The following SNAP91 variants were observed in gnomAD, a reference collection of about 807,000 sequenced individuals.
The protein encoded by SNAP91 is clathrin coat assembly protein AP180.
In SNAP91, 27 loss-of-function variants were observed where a neutral mutation model predicts 100.3. The ratio of observed to expected loss-of-function variants is 0.27; its 90% confidence interval spans 0.20 to 0.37. SNAP91 has a LOEUF of 0.37. Among genes scored for constraint, SNAP91 ranks in the 10% least tolerant of loss-of-function variants. The pLI, the probability that SNAP91 is intolerant of heterozygous loss-of-function variation, is 1.00. For synonymous variants in SNAP91, 404 were observed against 398.6 expected (o/e 1.01, Z -0.16); for missense variants, 986 against 1,123.7 (o/e 0.88, Z 1.75).
rs185880892 is a variant in SNAP91, at chr6:83,579,974, A to G, written c.2299+476T>C. Among the ~76,000 whole-genome samples the G allele has an allele frequency of 2.0e-5, 3 of 152,326 alleles. No individual in the cohort carries two copies. The East Asian group carries it at 5.8e-4, about 29-fold the overall frequency. The stretch of plus-strand genomic sequence containing the variant: ...CCCTTCCTAAGTGCCATAAGTACAG[A>G]CATTTTTATCTGTTTTGCTCACTGG... On this transcript the variant is annotated intron_variant, in intron 24 of 29. Coordinates refer to ENST00000369694, the MANE Select transcript of SNAP91 (RefSeq NM_001242792.2).
intron 14 of SNAP91, among the ~76,000 whole-genome samples, chr6:83,603,657 C>T (rs138020540): frequency 0.013 from 2,024 of 151,982 alleles, 39 homozygotes; most frequent in African/African-American, 0.046. Flanking sequence ...AAAAAAGGTA[C>T]TCCCTGTAGT....
At chr6:83,686,611 C>T (rs2099064820) in intron 2 of SNAP91, among the ~76,000 whole-genome samples, 3 of 152,214 alleles carry the variant, frequency 2.0e-5, no homozygotes. Flanking sequence ...TTTATATTAT[C>T]TAGTGCTTTA....
Position 83,554,008 on chromosome 6 carries a change from G to C in SNAP91, c.*288C>G, listed in dbSNP as rs567069076. On this transcript the variant is annotated 3_prime_UTR_variant, in exon 30 of 30. Transcript: ENST00000369694. Reference sequence around the variant, plus strand: ...GCTGCATCATCTGTCCTCAGGTGAAGTCCAAAAAAGCACTAACGGCATCAG... The same window carrying C: ...GCTGCATCATCTGTCCTCAGGTGAACTCCAAAAAAGCACTAACGGCATCAG... 6.5e-6 allele frequency: 1 copy of C among 153,546 alleles called. No individual in the cohort carries two copies. Among genetic ancestry groups the C allele is most frequent in the African/African-American group, 2.4e-5 (1 of 41,588 alleles). 9.5% of individuals were successfully genotyped at this position (153,546 alleles called of 1,614,324 possible). A position where few individuals can be genotyped will look rare whatever the true frequency, so the allele number is the denominator to read the frequency against.
At chr6:83,572,784 T>C (rs564565767) in intron 26 of SNAP91, among the ~76,000 whole-genome samples, 3 of 152,320 alleles carry the variant, frequency 2.0e-5, no homozygotes, top group South Asian at 2.1e-4. Context: ...CAGAAGGGAA[T>C]AGGAAAATTA....
intron 3 of SNAP91, among the ~76,000 whole-genome samples, chr6:83,663,376 T>C (rs2098601705): frequency 6.6e-6 from 1 of 152,152 alleles, no homozygotes; most frequent in African/African-American, 2.4e-5. Context: ...TTGTGCCAGT[T>C]AGCCAAGTTG....
At chr6:83,606,785 C>T (rs59074986) in intron 13 of SNAP91, among the ~76,000 whole-genome samples, 3 of 152,230 alleles carry the variant, frequency 2.0e-5, no homozygotes, top group Admixed American at 2.0e-4. Flanking sequence ...GAAACCATTG[C>T]TAGTTTTGAT....
At chr6:83,683,183 T>A (rs2099015843) in intron 2 of SNAP91, among the ~76,000 whole-genome samples, 1 of 152,150 alleles carries the variant, frequency 6.6e-6, no homozygotes, top group Non-Finnish European at 1.5e-5. Flanking sequence ...CAGCCTTCAT[T>A]ACTGGCCCTT....
chr6:83,639,580 C>T lies in SNAP91; in HGVS notation c.765+1516G>A, dbSNP rs73751564. On this transcript the variant is annotated intron_variant, in intron 8 of 29. Coordinates refer to ENST00000369694, the MANE Select transcript of SNAP91 (RefSeq NM_001242792.2). ...TTGCAGATCTCTTTCTTAATGGCCT[C>T]AGGTGGGCTTGTGCTAACATGAGGT... Among the ~76,000 whole-genome samples the T allele has an allele frequency of 4.8e-3, 727 of 152,204 alleles. 4 individuals are homozygous for T. Among genetic ancestry groups the T allele is most frequent in the African/African-American group, 0.016 (674 of 41,538 alleles).
chr6:83,703,975 A>G (rs566424546), intron 2 of SNAP91, among the ~76,000 whole-genome samples: 11 of 152,324 alleles, frequency 7.2e-5, no homozygotes, highest in African/African-American at 2.4e-4. Context: ...AAACTTTCCA[A>G]TTTACACCTG....
chr6:83,594,293 A>G (rs923321743), intron 17 of SNAP91, 81 bp downstream of exon 17: 2 of 1,076,282 alleles, frequency 1.9e-6, no homozygotes, highest in African/African-American at 3.2e-5. Flanking sequence ...TAAAATTAGA[A>G]AAACATATGG....
intron 5 of SNAP91, among the ~76,000 whole-genome samples, chr6:83,659,706 A>G (rs1482340453): frequency 1.3e-5 from 2 of 152,146 alleles, no homozygotes; most frequent in African/African-American, 4.8e-5. Flanking sequence ...TGCTGAGACT[A>G]TAGCCATGAG....
chr6:83,575,414 T>G (rs1816807869), intron 25 of SNAP91: 3 of 385,886 alleles, frequency 7.8e-6, no homozygotes, highest in Admixed American at 4.4e-5. Context: ...GATTCATTTG[T>G]TATTAAAAAT....
intron 22 of SNAP91, among the ~76,000 whole-genome samples, chr6:83,587,130 A>G (rs977044025): frequency 3.9e-5 from 6 of 152,162 alleles, no homozygotes; most frequent in African/African-American, 1.4e-4. Context: ...TTTTTAACAA[A>G]GCTTTCGCCT....
intron 2 of SNAP91, among the ~76,000 whole-genome samples, chr6:83,702,318 C>A (rs1206477286): frequency 6.6e-6 from 1 of 152,072 alleles, no homozygotes; most frequent in Non-Finnish European, 1.5e-5. Context: ...CACTTCTGAC[C>A]TTCTTTACCA....
chr6:83,640,463 A>G (rs2097650539), intron 8 of SNAP91, among the ~76,000 whole-genome samples: 1 of 152,198 alleles, frequency 6.6e-6, no homozygotes, highest in Non-Finnish European at 1.5e-5. Flanking sequence ...TATAATAACA[A>G]TGTTATAATT....
intron 2 of SNAP91, among the ~76,000 whole-genome samples, chr6:83,685,793 T>C (rs1488177640): frequency 6.6e-6 from 1 of 152,220 alleles, no homozygotes; most frequent in African/African-American, 2.4e-5. Context: ...ATCATTCTTT[T>C]GCTCCAGATA....
At chr6:83,672,945 G>A (rs2098808867) in intron 2 of SNAP91, among the ~76,000 whole-genome samples, 2 of 152,038 alleles carry the variant, frequency 1.3e-5, no homozygotes, top group South Asian at 4.2e-4. Context: ...TCAGAAAGGG[G>A]AATAAAAACT....
intron 16 of SNAP91, among the ~76,000 whole-genome samples, chr6:83,595,745 G>A (rs2094403430): frequency 6.6e-6 from 1 of 152,068 alleles, no homozygotes; most frequent in African/African-American, 2.4e-5. Flanking sequence ...CTTGGGAAGG[G>A]CTACACAGTA....
intron 2 of SNAP91, among the ~76,000 whole-genome samples, chr6:83,678,555 A>G (rs539535005): frequency 6.6e-6 from 1 of 152,326 alleles, no homozygotes; most frequent in East Asian, 1.9e-4. Context: ...TAAATAGTTC[A>G]GAAATGGCAA....
Sources: allele counts gnomAD v4.1 joint callset (sites outside exome capture counted in the v4.1 genomes callset), GRCh38; gene constraint gnomAD v4.1.1; transcripts MANE v1.5; gene names NCBI Gene and HGNC (gene_info 2026-07-23, HGNC 2026-07-21).